Variants in HEATR5B observed in about 807,000 individuals in gnomAD.
The protein encoded by HEATR5B is HEAT repeat-containing protein 5B.
HEATR5B carries 156 observed loss-of-function variants against 224.1 expected under a neutral mutation model. The observed-to-expected ratio is 0.70, with a 90% confidence interval of 0.61 to 0.80. HEATR5B has a LOEUF of 0.80. Ranked by LOEUF, HEATR5B falls within the 30% of genes least tolerant of loss-of-function variation. The probability of loss-of-function intolerance (pLI) is 0.00; values close to 1 mark genes in which losing one functional copy is unlikely to be tolerated. For synonymous variants in HEATR5B, 1,027 were observed against 893.0 expected, an observed-to-expected ratio of 1.15 and a Z score of -2.68; for missense variants, 2,323 against 2,535.5, an observed-to-expected ratio of 0.92 and a Z score of 1.80.
At chr2:36,996,172 T>C (rs1400420898) in intron 33 of HEATR5B, among the ~76,000 whole-genome samples, 2 of 151,958 alleles carry the variant, frequency 1.3e-5, no homozygotes, top group African/African-American at 4.8e-5. Context: ...GCGATTCTTC[T>C]GCCTCAGCCT....
chr2:37,010,899 G>C (rs1170425002), intron 27 of HEATR5B, among the ~76,000 whole-genome samples: 4 of 150,878 alleles, frequency 2.7e-5, no homozygotes, highest in South Asian at 2.1e-4. Flanking sequence ...TATTGTTCTA[G>C]GACTGGAAGC....
At chr2:36,989,897 TCC>T (rs1384684842) in intron 34 of HEATR5B, among the ~76,000 whole-genome samples, 24 of 137,658 alleles carry the variant, frequency 1.7e-4, no homozygotes, top group African/African-American at 6.6e-4. Flanking sequence ...CAAGAATGTT[TCC>T]TTTTTTTTTT....
intron 5 of HEATR5B, 102 bp downstream of exon 5, chr2:37,075,383 G>T (rs1672162385): frequency 5.9e-6 from 5 of 845,348 alleles, no homozygotes; most frequent in Non-Finnish European, 8.9e-6. Context: ...TAATCCATTG[G>T]AACACAAAAC....
rs542065779 is a variant in HEATR5B, at chr2:37,023,286, C to A, written c.3854-2450G>T. Among the ~76,000 whole-genome samples the A allele has an allele frequency of 3.9e-5, 6 of 152,246 alleles. No individual in the cohort carries two copies. The South Asian group carries it at 8.3e-4, about 21-fold the overall frequency. On this transcript the variant is annotated intron_variant, in intron 24 of 35. Transcript: ENST00000233099. ...TATTAAGCTCAAGGTCTATGAAGTTCTTCAGGAGGCTTCAAAACCCACAAA... is the reference window on the plus strand; with the variant it reads ...TATTAAGCTCAAGGTCTATGAAGTTATTCAGGAGGCTTCAAAACCCACAAA...
At position 37,005,628 on chromosome 2, in the gene HEATR5B, G is replaced by A. The variant is rs1354437514; in HGVS notation, c.4905+4C>T. The stretch of plus-strand genomic sequence containing the variant: ...CAAGTATCTATCATAGCAATACACT[G>A]TACCTGATCTTCTGCAATATGGACT... On this transcript the variant is annotated splice_donor_region_variant and intron_variant, in intron 30 of 35. Coordinates refer to ENST00000233099, the MANE Select transcript of HEATR5B (RefSeq NM_019024.3). 1.2e-6 allele frequency: 2 copies of A among 1,612,872 alleles called. No homozygotes were observed. Among genetic ancestry groups the A allele is most frequent in the East Asian group, 2.2e-5 (1 of 44,850 alleles).
chr2:37,064,233 G>A (rs556931568), intron 10 of HEATR5B, among the ~76,000 whole-genome samples: 5 of 150,350 alleles, frequency 3.3e-5, no homozygotes, highest in East Asian at 2.0e-4. Context: ...TCTAAAAGCT[G>A]AAAGAAAAGC....
chr2:37,009,154 A>G (rs886644811), intron 27 of HEATR5B, among the ~76,000 whole-genome samples: 12 of 147,060 alleles, frequency 8.2e-5, no homozygotes, highest in Non-Finnish European at 1.5e-5. Flanking sequence ...GCTACTCCAG[A>G]GGCTGAGGCA....
intron 10 of HEATR5B, among the ~76,000 whole-genome samples, chr2:37,063,367 T>C (rs1314546194): frequency 6.6e-6 from 1 of 152,114 alleles, no homozygotes; most frequent in African/African-American, 2.4e-5. Flanking sequence ...ATAACTAGTC[T>C]AATTAGAGCA....
intron 3 of HEATR5B, among the ~76,000 whole-genome samples, chr2:37,078,182 T>C (rs967420093): frequency 1.3e-5 from 2 of 152,118 alleles, no homozygotes; most frequent in African/African-American, 4.8e-5. Flanking sequence ...TAAAAATAAA[T>C]AAAAGCTATG....
chr2:37,065,617 T>G, intron 9 of HEATR5B, 138 bp downstream of exon 9: 2 of 774,662 alleles, frequency 2.6e-6, no homozygotes, highest in Non-Finnish European at 4.0e-6. Context: ...CCTATCACAA[T>G]GAATATTAAT....
At chr2:37,025,594 C>A (rs1457082308) in intron 24 of HEATR5B, among the ~76,000 whole-genome samples, 1 of 150,818 alleles carries the variant, frequency 6.6e-6, no homozygotes, top group Non-Finnish European at 1.5e-5. Flanking sequence ...AGACAAATTA[C>A]AGGAAAATTA....
At chr2:36,997,044 G>T (rs6544050) in intron 33 of HEATR5B, among the ~76,000 whole-genome samples, 78,030 of 151,968 alleles carry the variant, frequency 0.51, 20,155 homozygotes, top group South Asian at 0.56. Context: ...ACCTATTGGT[G>T]AGTAAGTGAA....
intron 15 of HEATR5B, 66 bp from the exon 16 acceptor site, chr2:37,056,681 G>T: frequency 3.0e-6 from 4 of 1,347,008 alleles, no homozygotes; most frequent in Non-Finnish European, 4.1e-6. Context: ...TAAACATTGG[G>T]AATGAGGATT....
intron 27 of HEATR5B, among the ~76,000 whole-genome samples, chr2:37,009,828 C>T (rs554758877): frequency 6.6e-6 from 1 of 150,932 alleles, no homozygotes; most frequent in African/African-American, 2.4e-5. Flanking sequence ...TTTCTGCCTC[C>T]ACCTTCCTAG....
At chr2:37,075,072 G>C (rs1672142409) in intron 5 of HEATR5B, among the ~76,000 whole-genome samples, 1 of 152,204 alleles carries the variant, frequency 6.6e-6, no homozygotes, top group Non-Finnish European at 1.5e-5. Flanking sequence ...GTTATTTGCG[G>C]AAGTGAAATG....
At chr2:37,007,395 G>A in intron 28 of HEATR5B, 91 bp from the exon 29 acceptor site, 3 of 1,353,562 alleles carry the variant, frequency 2.2e-6, no homozygotes, top group Non-Finnish European at 2.9e-6. Flanking sequence ...CCAGGCTGGA[G>A]TGCAATGGTG....
chr2:37,016,394 A>G (rs1668120502), intron 26 of HEATR5B, among the ~76,000 whole-genome samples: 1 of 152,040 alleles, frequency 6.6e-6, no homozygotes, highest in Non-Finnish European at 1.5e-5. Context: ...TACAGGCACG[A>G]GCCACCGCGC....
intron 5 of HEATR5B, among the ~76,000 whole-genome samples, chr2:37,074,670 TA>T (rs1572943420): frequency 6.6e-6 from 1 of 152,134 alleles, no homozygotes. Flanking sequence ...AAGGAATATG[TA>T]AAAAACCTAT....
chr2:37,077,432 C>T (rs1470130682), intron 3 of HEATR5B, among the ~76,000 whole-genome samples: 2 of 152,162 alleles, frequency 1.3e-5, no homozygotes, highest in African/African-American at 4.8e-5. Context: ...CCTCAGCTTC[C>T]TGAGTAGCTG....
Sources: gnomAD v4.1 joint callset for allele counts (sites outside exome capture counted in the v4.1 genomes callset) on GRCh38, gnomAD v4.1.1 for gene constraint, MANE v1.5 for transcripts, NCBI Gene and HGNC (gene_info 2026-07-23, HGNC 2026-07-21) for gene names.